The following SEC23A variants were observed in gnomAD, a reference collection of about 807,000 sequenced individuals.
SEC23A encodes SEC23 homolog A, COPII component.
SEC23A carries 56 observed loss-of-function variants against 103.7 expected under a neutral mutation model. The observed-to-expected ratio is 0.54, with a 90% CI of 0.44 to 0.67. SEC23A has a LOEUF of 0.67. Ranked by LOEUF, SEC23A falls within the 30% of genes least tolerant of loss-of-function variation. The probability of loss-of-function intolerance (pLI) is 0.00; values close to 1 mark genes in which losing one functional copy is unlikely to be tolerated. For missense variants in SEC23A, 784 were observed against 936.4 expected (o/e 0.84, Z 2.12); for synonymous variants, 281 against 293.0 (o/e 0.96, Z 0.42).
chr14:39,036,270 C>A (rs1284454139), intron 19 of SEC23A, among the ~76,000 whole-genome samples: 2 of 129,578 alleles, frequency 1.5e-5, no homozygotes, highest in Non-Finnish European at 3.1e-5. Flanking sequence ...TGCAGCGAGT[C>A]GAGATCGCGT....
At chr14:39,060,105 G>A (rs905521531) in intron 13 of SEC23A, among the ~76,000 whole-genome samples, 3 of 150,834 alleles carry the variant, frequency 2.0e-5, no homozygotes, top group Non-Finnish European at 4.4e-5. Context: ...GCACACACAT[G>A]TGTGTGTGTG....
chr14:39,098,810 A>G (rs1446771285), intron 1 of SEC23A, among the ~76,000 whole-genome samples: 1 of 151,816 alleles, frequency 6.6e-6, no homozygotes, highest in Non-Finnish European at 1.5e-5. Flanking sequence ...AAATGAAATC[A>G]GAACAGGGAT....
chr14:39,045,252 G>A lies in SEC23A; in HGVS notation c.1810C>T (p.Arg604Cys), dbSNP rs1396481798. 8 of 1,612,310 alleles carry A rather than the reference G, an allele frequency of 5.0e-6. No individual in the cohort carries two copies. The highest frequency in any genetic ancestry group is 2.2e-5 in the East Asian group (1 of 44,782). Residue 604 changes from arginine (R) to cysteine (C), a missense_variant, in exon 16 of 20, where the codon CGT becomes TGT. Physicochemically the swap from Arg to Cys is radical, Grantham distance 180. Around this residue, in one of 2 missense-constraint regions of SEC23A, gnomAD observed 683 missense variants for 774.2 expected, o/e 0.88. Transcript: ENST00000307712. The part of the protein sequence containing the change: ...NNSPDESSYY[R>C]HHFMRQDLTQ... ...AGATCTTGACGCATAAAATGGTGACGATAATATGAACTCTCATCAGGACTA... is the reference window on the plus strand; with the variant it reads ...AGATCTTGACGCATAAAATGGTGACAATAATATGAACTCTCATCAGGACTA...
In SEC23A at chr14:39,093,824, T is replaced by A. The variant is rs181601025; in HGVS notation, c.222-580A>T. 6.2e-3 allele frequency among the ~76,000 whole-genome samples: 941 copies of A among 151,934 alleles called. 3 individuals carry two copies. The highest frequency in any genetic ancestry group is 7.4e-3 in the Non-Finnish European group (501 of 67,934). ...TAAAATTAAAATAATCCTATTTTTT[T>A]CTTCAAGTGACTTCAGTAACATCTA... On this transcript the variant is annotated intron_variant, in intron 2 of 19. Coordinates refer to ENST00000307712, the MANE Select transcript of SEC23A (RefSeq NM_006364.4).
intron 19 of SEC23A, among the ~76,000 whole-genome samples, chr14:39,034,625 A>G (rs1885403898): frequency 6.6e-6 from 1 of 152,190 alleles, no homozygotes; most frequent in Non-Finnish European, 1.5e-5. Flanking sequence ...CCAATCTCAG[A>G]GCCATTTCTC....
rs1240927955 is a variant in SEC23A, at chr14:39,096,028, C to T, written c.91G>A (p.Ala31Thr). The change falls in exon 2 of 20, where the codon GCT (alanine) becomes ACT (threonine). Residue 31 changes from alanine (A) to threonine (T), a missense_variant. Physicochemically the swap from Ala to Thr is moderately conservative, Grantham distance 58. Coordinates refer to ENST00000307712, the MANE Select transcript of SEC23A (RefSeq NM_006364.4). ...GCCACAGGAACAACCATTCTTGTAG[C>T]TTCCAGTCGACTTGATGGCCAAACA... Reference protein sequence around the residue: ...WNVWPSSRLEATRMVVPVAAL... With the variant: ...WNVWPSSRLETTRMVVPVAAL... 1.9e-6 allele frequency: 3 copies of T among 1,614,106 alleles called. No individual in the cohort carries two copies. The Admixed American group carries it at 5.0e-5, about 27-fold the overall frequency.
chr14:39,087,104 A>C (rs1887472035), intron 5 of SEC23A, 96 bp from the exon 6 acceptor site: 1 of 780,034 alleles, frequency 1.3e-6, no homozygotes, highest in Non-Finnish European at 2.3e-6. Context: ...AGACATTAGA[A>C]ACACAAAAAT....
intron 1 of SEC23A, among the ~76,000 whole-genome samples, chr14:39,101,080 G>A (rs941162681): frequency 1.3e-5 from 2 of 152,046 alleles, no homozygotes; most frequent in East Asian, 3.9e-4. Flanking sequence ...CTGACCTCAG[G>A]TGATTGGCCT....
intron 7 of SEC23A, among the ~76,000 whole-genome samples, chr14:39,081,991 G>A (rs1353964201): frequency 6.6e-6 from 1 of 151,978 alleles, no homozygotes; most frequent in African/African-American, 2.4e-5. Flanking sequence ...GCTCCTAAGT[G>A]GTTTCATTTC....
chr14:39,060,942 G>T (rs185608600), intron 13 of SEC23A, among the ~76,000 whole-genome samples: 2 of 152,252 alleles, frequency 1.3e-5, no homozygotes, highest in Admixed American at 1.3e-4. Flanking sequence ...CTGTTAGATA[G>T]AGACTTTACC....
intron 8 of SEC23A, among the ~76,000 whole-genome samples, chr14:39,074,737 T>C (rs1886956623): frequency 6.6e-6 from 1 of 152,214 alleles, no homozygotes; most frequent in South Asian, 2.1e-4. Context: ...AGCCACTCTT[T>C]CTAGATAAAC....
rs749366648 is a variant in SEC23A at position 39,063,355 on chromosome 14, GT to G, written c.1366del (p.Thr456ProfsTer2). 18 of 1,611,894 alleles carry G rather than the reference GT, an allele frequency of 1.1e-5. No homozygotes were observed. Among genetic ancestry groups the G allele is most frequent in the Non-Finnish European group, 1.4e-5 (17 of 1,178,294 alleles). ...WKICGLSPTTTLAIYFEVVNQ... is the reference protein window; with the variant it reads ...WKICGLSPTTXLAIYFEVVNQ... ...GACAACCTCAAAATATATGGCTAAG[GT>G]TGTAGTGGGACTAAGTCCACATATC... On this transcript the variant is annotated frameshift_variant, in exon 12 of 20. Transcript: ENST00000307712. LOFTEE classifies it high-confidence loss of function.
chr14:39,093,395 T>C (rs981950014), intron 2 of SEC23A, 151 bp from the exon 3 acceptor site: 83 of 611,206 alleles, frequency 1.4e-4, no homozygotes, highest in East Asian at 3.0e-5. Context: ...TAGTTTTAGA[T>C]ACTGCCAATA....
chr14:39,097,905 C>G (rs917362103), intron 1 of SEC23A, among the ~76,000 whole-genome samples: 6 of 151,846 alleles, frequency 4.0e-5, no homozygotes, highest in African/African-American at 1.5e-4. Flanking sequence ...GTCAACATGG[C>G]AAAACCCCGT....
chr14:39,077,678 T>C (rs746659619), intron 7 of SEC23A, among the ~76,000 whole-genome samples: 2 of 152,112 alleles, frequency 1.3e-5, no homozygotes, highest in Non-Finnish European at 2.9e-5. Context: ...AAGATGTCAA[T>C]GAAATAAGAG....
chr14:39,083,396 T>C lies in SEC23A; in HGVS notation c.828+2366A>G, dbSNP rs1338706972. Among the ~76,000 whole-genome samples the C allele has an allele frequency of 7.9e-5, 12 of 152,008 alleles. 1 individual carries two copies. In the Middle Eastern group the frequency reaches 0.014, roughly 172 times the overall value. ...TGTGACCTGGAAGCCCCTCCCTACTTGAGCTGTCCCACCTATCTGGATGGA... is the reference window on the plus strand; with the variant it reads ...TGTGACCTGGAAGCCCCTCCCTACTCGAGCTGTCCCACCTATCTGGATGGA... On this transcript the variant is annotated intron_variant, in intron 7 of 19. Coordinates refer to ENST00000307712, the MANE Select transcript of SEC23A (RefSeq NM_006364.4).
chr14:39,085,078 C>A (rs1887383855), intron 7 of SEC23A, among the ~76,000 whole-genome samples: 1 of 152,150 alleles, frequency 6.6e-6, no homozygotes, highest in Non-Finnish European at 1.5e-5. Flanking sequence ...GTTCCACACC[C>A]CAACCTCCAG....
intron 8 of SEC23A, among the ~76,000 whole-genome samples, chr14:39,075,047 C>T (rs1304813848): frequency 6.6e-6 from 1 of 152,062 alleles, no homozygotes; most frequent in South Asian, 2.1e-4. Context: ...ATGGAGCTTA[C>T]AGTGAGTGGA....
intron 5 of SEC23A, among the ~76,000 whole-genome samples, chr14:39,089,165 CA>C (rs58732430): frequency 0.24 from 16,418 of 69,106 alleles, 601 homozygotes; most frequent in African/African-American, 0.29. Context: ...GACTCCGTGT[CA>C]AAAAAAAAAA....
Sources: gnomAD v4.1 joint callset for allele counts (sites outside exome capture counted in the v4.1 genomes callset) on GRCh38, gnomAD v4.1.1 for gene constraint, gnomAD v4.1.1 regional missense constraint, MANE v1.5 for transcripts, NCBI Gene and HGNC (gene_info 2026-07-23, HGNC 2026-07-21) for gene names.